DDX27: variants seen among roughly 807,000 people sequenced by gnomAD.
DDX27 encodes the protein probable ATP-dependent RNA helicase DDX27.
In DDX27, 42 loss-of-function variants were observed where a neutral mutation model predicts 99.3. The ratio of observed to expected loss-of-function variants is 0.42; its 90% CI spans 0.33 to 0.55. The LOEUF (loss-of-function observed/expected upper bound fraction) is 0.55, where lower values mean the gene tolerates loss of function less well. Among genes scored for constraint, DDX27 ranks in the 20% least tolerant of loss-of-function variants. The pLI is 0.07. For missense variants in DDX27, 798 were observed against 976.8 expected (o/e 0.82, Z 2.44); for synonymous variants, 329 against 353.8 (o/e 0.93, Z 0.79).
chr20:49,235,286 T>C, intron 12 of DDX27, 198 bp downstream of exon 12: 1 of 515,622 alleles, frequency 1.9e-6, no homozygotes, highest in East Asian at 3.4e-5. Flanking sequence ...TAGTCAGAGA[T>C]GACCCTCATG....
intron 3 of DDX27, 106 bp downstream of exon 3, chr20:49,223,122 C>CAGGAGATCAGA: frequency 7.4e-7 from 1 of 1,347,472 alleles, no homozygotes; most frequent in Non-Finnish European, 1.0e-6. Context: ...ATGGCTGGGG[C>CAGGAGATCAGA]AGGCGCACTC....
In DDX27 at chr20:49,223,035, A is replaced by G. The variant is rs755327748; in HGVS notation, c.300+19A>G. The G allele has an allele frequency of 6.8e-6, 11 of 1,609,074 alleles. No individual in the cohort carries two copies. Among genetic ancestry groups the G allele is most frequent in the South Asian group, 5.5e-5 (5 of 90,460 alleles). On this transcript the variant is annotated intron_variant, in intron 3 of 20. Coordinates refer to ENST00000618172, the MANE Select transcript of DDX27 (RefSeq NM_017895.8). ...AACAGAGGTGAGAAGAAAAGTGGCT[A>G]TTTTTCGTTGTTAGGGCCCACTCTT...
chr20:49,234,142 G>A (rs1980224229), intron 11 of DDX27: 1 of 158,962 alleles, frequency 6.3e-6, no homozygotes, highest in African/African-American at 2.4e-5. Context: ...GGCTTCCATT[G>A]GTCTTAGACT....
In DDX27 at chr20:49,228,786, C is replaced by T. The variant is rs760505992; in HGVS notation, c.778C>T (p.Arg260Cys). 39 of 1,613,456 alleles carry T rather than the reference C, an allele frequency of 2.4e-5. 1 individual carries two copies. Among genetic ancestry groups the T allele is most frequent in the Admixed American group, 2.0e-4 (12 of 59,974 alleles). ...TAAACCCCGCCAGGCTCCAGTCACC[C>T]GCGTGCTGGTGCTAGTGCCCACCCG... is the stretch of plus-strand genomic sequence containing the variant. Reference protein sequence around the residue: ...IYKPRQAPVTRVLVLVPTREL... With the variant: ...IYKPRQAPVTCVLVLVPTREL... The change falls in exon 8 of 21, where the codon CGC becomes TGC. Residue 260 changes from arginine to cysteine, a missense_variant. By Grantham distance (180) the Arg-to-Cys change is radical. Around this residue, in one of 2 missense-constraint regions of DDX27, gnomAD observed 553 missense variants for 727.9 expected, o/e 0.76. Transcript: ENST00000618172.
intron 9 of DDX27, 22 bp downstream of exon 9, chr20:49,230,371 C>T: frequency 6.3e-7 from 1 of 1,597,128 alleles, no homozygotes; most frequent in Non-Finnish European, 8.5e-7. Flanking sequence ...AGCCTGGGGC[C>T]CAGGGCACTG....
Position 49,230,191 on chromosome 20 carries a change from C to T in DDX27, c.881-8C>T. ...TGGCCGCCTGGTGGGGCTCTCTTCTCTTTGCAGGCGGCTTGGATGTGAAGT... is the reference window on the plus strand; with the variant it reads ...TGGCCGCCTGGTGGGGCTCTCTTCTTTTTGCAGGCGGCTTGGATGTGAAGT... On this transcript the variant is annotated splice_region_variant and splice_polypyrimidine_tract_variant and intron_variant, in intron 8 of 20. Coordinates refer to ENST00000618172, the MANE Select transcript of DDX27 (RefSeq NM_017895.8). 6.2e-7 allele frequency: 1 copy of T among 1,608,578 alleles called. No individual in the cohort carries two copies. The highest frequency in any genetic ancestry group is 2.2e-5 in the East Asian group (1 of 44,870).
In DDX27 at chr20:49,224,692, C is replaced by T; in HGVS notation, c.467-253C>T. ...TAAGTATTTCTTGCAGAAATGTGTGCTAAAGCATCATAATACAGTGTAGTG... is the reference window on the plus strand; with the variant it reads ...TAAGTATTTCTTGCAGAAATGTGTGTTAAAGCATCATAATACAGTGTAGTG... On this transcript the variant is annotated intron_variant, in intron 4 of 20. Transcript: ENST00000618172. The T allele has an allele frequency of 1.1e-5, 5 of 471,608 alleles. No individual in the cohort carries two copies. The South Asian group carries it at 1.7e-4, about 16-fold the overall frequency. The allele number at this position is 471,608 out of a possible 1,614,324, so 29.2% of individuals were successfully genotyped here.
In DDX27 at chr20:49,243,881, C is replaced by A; in HGVS notation, c.*47C>A. On this transcript the variant is annotated 3_prime_UTR_variant, in exon 21 of 21. Transcript: ENST00000618172. Reference sequence around the variant, plus strand: ...CATGGGGGCAGCCCTTAAATCCCTTCCCTGTGGGAAGTCATCCTGGCTGGT... The same window carrying A: ...CATGGGGGCAGCCCTTAAATCCCTTACCTGTGGGAAGTCATCCTGGCTGGT... 6.2e-7 allele frequency: 1 copy of A among 1,611,436 alleles called. No homozygotes were observed. The highest frequency in any genetic ancestry group is 8.5e-7 in the Non-Finnish European group (1 of 1,177,954).
At chr20:49,225,278 C>A in intron 6 of DDX27, 79 bp downstream of exon 6, 1 of 1,202,988 alleles carries the variant, frequency 8.3e-7, no homozygotes, top group Non-Finnish European at 1.2e-6. Context: ...AAATTCCTGG[C>A]ATCAAGCAAT....
intron 4 of DDX27, among the ~76,000 whole-genome samples, chr20:49,224,461 C>T (rs890942220): frequency 2.0e-5 from 3 of 150,714 alleles, no homozygotes; most frequent in Admixed American, 6.6e-5. Flanking sequence ...CTCCCGGGTG[C>T]AAGCAACTCT....
intron 7 of DDX27, among the ~76,000 whole-genome samples, chr20:49,227,838 A>ATTTTTTTT (rs35354294): frequency 7.9e-6 from 1 of 125,824 alleles, no homozygotes; most frequent in African/African-American, 2.9e-5. Flanking sequence ...AGAGGAGGAA[A>ATTTTTTTT]TTTTTTTTTT....
Position 49,233,720 on chromosome 20 carries a change from A to G in DDX27, c.1273+11A>G. 6.2e-7 allele frequency: 1 copy of G among 1,609,718 alleles called. No individual in the cohort carries two copies. Among genetic ancestry groups the G allele is most frequent in the Non-Finnish European group, 8.5e-7 (1 of 1,176,970 alleles). On this transcript the variant is annotated intron_variant, in intron 11 of 20. Transcript: ENST00000618172. Reference sequence around the variant, plus strand: ...AAGCCATCGTGGCAGGTGGCAGCACAGGGCAAGCCTGGGCAGGGTGGGCTG... The same window carrying G: ...AAGCCATCGTGGCAGGTGGCAGCACGGGGCAAGCCTGGGCAGGGTGGGCTG...
At chr20:49,239,827 A>G (rs1161178375) in intron 16 of DDX27, among the ~76,000 whole-genome samples, 1 of 152,234 alleles carries the variant, frequency 6.6e-6, no homozygotes, top group East Asian at 1.9e-4. Context: ...ATGTTCATCA[A>G]CAAGTGAATG....
chr20:49,220,871 C>A (rs572339968), intron 1 of DDX27, among the ~76,000 whole-genome samples: 1 of 152,232 alleles, frequency 6.6e-6, no homozygotes, highest in African/African-American at 2.4e-5. Flanking sequence ...CCTGCTTTCA[C>A]GTGGCTTTCA....
intron 16 of DDX27, among the ~76,000 whole-genome samples, chr20:49,241,431 G>C (rs962711317): frequency 2.6e-5 from 4 of 152,004 alleles, no homozygotes; most frequent in African/African-American, 9.7e-5. Flanking sequence ...ATGTTATTTA[G>C]TGAGATGGAG....
chr20:49,226,653 C>A (rs1979899033), intron 7 of DDX27, 118 bp downstream of exon 7: 1 of 650,388 alleles, frequency 1.5e-6, no homozygotes, highest in Non-Finnish European at 2.5e-6. Context: ...TGAACTATTT[C>A]ATTTTTATTT....
intron 4 of DDX27, chr20:49,224,664 C>T (rs768652533): frequency 3.3e-5 from 12 of 360,504 alleles, no homozygotes; most frequent in Non-Finnish European, 6.0e-5. Context: ...CTTCCGCCCT[C>T]AATAAGTATT....
Position 49,233,416 on chromosome 20 carries a change from G to T in DDX27, c.1131+11G>T, listed in dbSNP as rs1468156136. 6.2e-7 allele frequency: 1 copy of T among 1,613,482 alleles called. No individual in the cohort carries two copies. The highest frequency in any genetic ancestry group is 8.5e-7 in the Non-Finnish European group (1 of 1,179,820). On this transcript the variant is annotated intron_variant, in intron 10 of 20. Coordinates refer to ENST00000618172, the MANE Select transcript of DDX27 (RefSeq NM_017895.8). ...ACCATGACAGACGAGGTGGGCCGAG[G>T]GACTTCTCTGTGGCGGGTGGCAGGT...
chr20:49,226,328 G>A (rs985818682), intron 6 of DDX27, 102 bp from the exon 7 acceptor site: 9 of 723,070 alleles, frequency 1.2e-5, no homozygotes, highest in African/African-American at 5.3e-5. Flanking sequence ...AATGATTGGT[G>A]GGGATTGGTG....
Sources: gnomAD v4.1 joint callset for allele counts (sites outside exome capture counted in the v4.1 genomes callset) on GRCh38, gnomAD v4.1.1 for gene constraint, gnomAD v4.1.1 regional missense constraint, MANE v1.5 for transcripts, NCBI Gene and HGNC (gene_info 2026-07-23, HGNC 2026-07-21) for gene names.